NEFH: variants seen among roughly 807,000 people sequenced by gnomAD.
NEFH encodes neurofilament heavy polypeptide.
NEFH carries 58 observed loss-of-function variants against 56.6 expected under a neutral mutation model. That is an observed-to-expected ratio of 1.03 (90% CI 0.83 to 1.28). The LOEUF (loss-of-function observed/expected upper bound fraction) is 1.28. Among genes scored for constraint, NEFH ranks in the 50% most tolerant of loss-of-function variants. NEFH has a pLI of 0.00. For missense variants in NEFH, 1,221 were observed against 1,307.6 expected, an observed-to-expected ratio of 0.93 and a Z score of 1.02; for synonymous variants, 542 against 545.8, an observed-to-expected ratio of 0.99 and a Z score of 0.10.
intron 1 of NEFH, among the ~76,000 whole-genome samples, chr22:29,483,047 G>A (rs942354319): frequency 3.9e-5 from 6 of 152,144 alleles, no homozygotes; most frequent in Admixed American, 1.3e-4. Context: ...TTGGGAGGCC[G>A]AGGTGGGCGA....
rs758082890 is a variant in NEFH, at chr22:29,490,536, G to A, written c.2896G>A (p.Glu966Lys). 6.2e-7 allele frequency: 1 copy of A among 1,605,880 alleles called. No individual in the cohort carries two copies. Among genetic ancestry groups the A allele is most frequent in the Admixed American group, 1.7e-5 (1 of 57,980 alleles). The change falls in exon 4 of 4, where the codon GAG (glutamate) becomes AAG (lysine). Residue 966 changes from glutamate (E) to lysine (K), a missense_variant. This residue lies in a region of NEFH where 301 missense variants were observed against 346.6 expected (regional missense o/e 0.87). Transcript: ENST00000310624. ...DTKEEKAKKP[E>K]EKPKTEAKAK... ...CAAGGAGGAGAAGGCCAAGAAGCCT[G>A]AGGAGAAACCCAAGACAGAGGCCAA... is the stretch of plus-strand genomic sequence containing the variant.
intron 1 of NEFH, among the ~76,000 whole-genome samples, 190 bp from the exon 2 acceptor site, chr22:29,483,185 A>G (rs2063021730): frequency 6.6e-6 from 1 of 151,922 alleles, no homozygotes; most frequent in Non-Finnish European, 1.5e-5. Flanking sequence ...AGGCTGAGGC[A>G]GGAGAATCGC....
chr22:29,490,680 G>T lies in NEFH; in HGVS notation c.3040G>T (p.Asp1014Tyr), dbSNP rs773580204. 7.4e-6 allele frequency: 12 copies of T among 1,614,030 alleles called. No individual in the cohort carries two copies. The highest frequency in any genetic ancestry group is 1.0e-5 in the Non-Finnish European group (12 of 1,180,044). Reference sequence around the variant, plus strand: ...CAAGCCTCCAGAGAAGGCCACAGAAGACAAGGCCGCCAAGGGGAAGTAAGG... The same window carrying T: ...CAAGCCTCCAGAGAAGGCCACAGAATACAAGGCCGCCAAGGGGAAGTAAGG... ...DSKPPEKATE[D>Y]KAAKGK The change falls in exon 4 of 4, where the codon GAC becomes TAC. Residue 1014 changes from aspartate to tyrosine, a missense_variant. By Grantham distance (160) the Asp-to-Tyr change is radical. Coordinates refer to ENST00000310624, the MANE Select transcript of NEFH (RefSeq NM_021076.4).
rs1061372 is a variant in NEFH, at chr22:29,489,428, T to G, written c.1788T>G (p.Ala596=). The G allele has an allele frequency of 6.3e-7, 1 of 1,596,838 alleles. No homozygotes were observed. Among genetic ancestry groups the G allele is most frequent in the Non-Finnish European group, 8.5e-7 (1 of 1,175,058 alleles). The change falls in exon 4 of 4, where the codon GCT becomes GCG. Residue 596 remains alanine (A), a synonymous_variant. Transcript: ENST00000310624. ...SPAKEEAKSP[A]EAKSPEKAKS... is the part of the protein sequence containing the mutation. ...CAAAGGAAGAGGCAAAGTCACCGGC[T>G]GAGGCCAAGTCTCCAGAGAAGGCCA... is the stretch of plus-strand genomic sequence containing the variant.
chr22:29,488,240 T>C (rs1156687373), intron 3 of NEFH, among the ~76,000 whole-genome samples: 1 of 152,118 alleles, frequency 6.6e-6, no homozygotes, highest in African/African-American at 2.4e-5. Context: ...GGCGTGCGCC[T>C]GTACTCCCAG....
At chr22:29,483,292 G>T in intron 1 of NEFH, 83 bp from the exon 2 acceptor site, 38 of 1,113,154 alleles carry the variant, frequency 3.4e-5, no homozygotes, top group Non-Finnish European at 4.4e-5. Context: ...AAAAAAAAAA[G>T]AAAAAGAACA....
rs774792100 is a variant in NEFH, at chr22:29,480,718, G to C, written c.456G>C (p.Glu152Asp). The C allele has an allele frequency of 6.0e-5, 90 of 1,510,516 alleles. No homozygotes were observed. In the East Asian group the frequency reaches 1.8e-3, roughly 31 times the overall value. 93.6% of individuals were successfully genotyped at this position (1,510,516 alleles called of 1,614,324 possible). The stretch of plus-strand genomic sequence containing the variant: ...AGCTGTACGAGCGCGAGGTCCGCGA[G>C]ATGCGCGGCGCGGTGCTGCGCCTGG... ...MGELYEREVR[E>D]MRGAVLRLGA... Residue 152 changes from glutamate (E) to aspartate (D), a missense_variant, in exon 1 of 4, where the codon GAG (glutamate) becomes GAC (aspartate). Coordinates refer to ENST00000310624, the MANE Select transcript of NEFH (RefSeq NM_021076.4).
intron 1 of NEFH, 150 bp downstream of exon 1, chr22:29,481,295 T>C: frequency 1.3e-6 from 1 of 778,796 alleles, no homozygotes; most frequent in Non-Finnish European, 2.0e-6. Context: ...CCTAGTTAAA[T>C]CGCAGTTTTA....
chr22:29,483,813 T>A (rs2063027605), intron 2 of NEFH, among the ~76,000 whole-genome samples: 1 of 146,192 alleles, frequency 6.8e-6, no homozygotes, highest in African/African-American at 2.6e-5. Context: ...GCTGGAAAGA[T>A]TAAAGAGATA....
At chr22:29,482,257 T>C (rs1359279887) in intron 1 of NEFH, among the ~76,000 whole-genome samples, 1 of 152,116 alleles carries the variant, frequency 6.6e-6, no homozygotes, top group East Asian at 1.9e-4. Context: ...CAAACCTCTT[T>C]TGGGTTTGCC....
Position 29,490,499 on chromosome 22 carries a change from G to GA in NEFH, c.2865dup (p.Asp956ArgfsTer11), listed in dbSNP as rs1385089065. The GA allele has an allele frequency of 1.9e-6, 3 of 1,588,760 alleles. No individual in the cohort carries two copies. Among genetic ancestry groups the GA allele is most frequent in the East Asian group, 2.2e-5 (1 of 44,760 alleles). On this transcript the variant is annotated frameshift_variant, in exon 4 of 4. Transcript: ENST00000310624. LOFTEE classifies it high-confidence loss of function. The stretch of plus-strand genomic sequence containing the variant: ...CAGAGAAGAAGGAGGCAGCACCGGA[G>GA]AAAAAAGACACCAAGGAGGAGAAGG...
rs966283308 is a variant in NEFH, at chr22:29,480,870, C to T, written c.608C>T (p.Ala203Val). Reference protein sequence around the residue: ...EEAEAAARALARFAQEAEAAR... With the variant: ...EEAEAAARALVRFAQEAEAAR... ...GCCGAGGCGGCGGCCCGCGCGCTGG[C>T]GCGCTTCGCGCAGGAGGCCGAGGCG... The change falls in exon 1 of 4, where the codon GCG becomes GTG. Residue 203 changes from alanine to valine, a missense_variant. By Grantham distance (64) the Ala-to-Val change is moderately conservative. This residue lies in a region of NEFH where 640 missense variants were observed against 555.5 expected (regional missense o/e 1.15). Transcript: ENST00000310624. 1.4e-6 allele frequency: 2 copies of T among 1,407,404 alleles called. No individual in the cohort carries two copies. The highest frequency in any genetic ancestry group is 3.5e-5 in the Admixed American group (1 of 28,172). The allele number at this position is 1,407,404 out of a possible 1,614,324, so 87.2% of individuals were successfully genotyped here.
Position 29,485,766 on chromosome 22 carries a change from G to A in NEFH, c.1127G>A (p.Trp376Ter), listed in dbSNP as rs2063040704. ...QLDAELRNTK[W>*]EMAAQLREYQ... is the part of the protein sequence containing the mutation. ...GACGCTGAGCTGAGGAACACCAAGTGGGAGATGGCCGCCCAGCTGCGAGAA... is the reference window on the plus strand; with the variant it reads ...GACGCTGAGCTGAGGAACACCAAGTAGGAGATGGCCGCCCAGCTGCGAGAA... Residue 376 changes from tryptophan (W) to a stop codon, truncating the protein, a stop_gained, in exon 3 of 4, where the codon TGG (tryptophan) becomes TAG (stop). Coordinates refer to ENST00000310624, the MANE Select transcript of NEFH (RefSeq NM_021076.4). LOFTEE classifies it high-confidence loss of function. 1 of 1,614,218 alleles carries A rather than the reference G, an allele frequency of 6.2e-7. No homozygotes were observed. The highest frequency in any genetic ancestry group is 8.5e-7 in the Non-Finnish European group (1 of 1,180,036).
chr22:29,481,203 T>C, intron 1 of NEFH, 58 bp downstream of exon 1: 1 of 1,503,372 alleles, frequency 6.7e-7, no homozygotes, highest in Middle Eastern at 2.3e-4. Flanking sequence ...AGCGAACTTT[T>C]GGGCTGCGTG....
Position 29,483,827 on chromosome 22 carries a change from T to TTTTA in NEFH, c.1083+289_1083+292dup, listed in dbSNP as rs140814097. Among the ~76,000 whole-genome samples, 30,590 of 136,260 alleles carry TTTTA rather than the reference T, an allele frequency of 0.22. 3,719 individuals carry two copies. The highest frequency in any genetic ancestry group is 0.41 in the Middle Eastern group (112 of 276). The allele number at this position is 136,260 out of a possible 152,430, so 89.4% of individuals were successfully genotyped here. On this transcript the variant is annotated intron_variant, in intron 2 of 3. Coordinates refer to ENST00000310624, the MANE Select transcript of NEFH (RefSeq NM_021076.4). ...AGCTGGAAAGATTAAAGAGATAGACTTTTATTTATTTATTTATTTATTTAT... is the reference window on the plus strand; with the variant it reads ...AGCTGGAAAGATTAAAGAGATAGACTTTTATTTATTTATTTATTTATTTATTTAT...
At chr22:29,482,245 C>A (rs984050388) in intron 1 of NEFH, among the ~76,000 whole-genome samples, 1 of 152,202 alleles carries the variant, frequency 6.6e-6, no homozygotes, top group Non-Finnish European at 1.5e-5. Flanking sequence ...CCCCTCCCTG[C>A]GCAAACCTCT....
chr22:29,490,663 C>T lies in NEFH; in HGVS notation c.3023C>T (p.Pro1008Leu), dbSNP rs1388983921. 6.2e-7 allele frequency: 1 copy of T among 1,614,072 alleles called. No individual in the cohort carries two copies. Among genetic ancestry groups the T allele is most frequent in the Admixed American group, 1.7e-5 (1 of 59,988 alleles). ...SSTDQKDSKP[P>L]EKATEDKAAK... ...ACAGACCAAAAAGACAGCAAGCCTC[C>T]AGAGAAGGCCACAGAAGACAAGGCC... Residue 1008 changes from proline (P) to leucine (L), a missense_variant, in exon 4 of 4, where the codon CCA becomes CTA. Around this residue, in one of 4 missense-constraint regions of NEFH, gnomAD observed 301 missense variants for 346.6 expected, o/e 0.87. Coordinates refer to ENST00000310624, the MANE Select transcript of NEFH (RefSeq NM_021076.4).
chr22:29,489,473 A>T lies in NEFH; in HGVS notation c.1833A>T (p.Glu611Asp), dbSNP rs1196681707. Residue 611 changes from glutamate to aspartate, a missense_variant, in exon 4 of 4, where the codon GAA (glutamate) becomes GAT (aspartate). Coordinates refer to ENST00000310624, the MANE Select transcript of NEFH (RefSeq NM_021076.4). ...AGGCCAAGTCCCCAGTGAAGGAAGA[A>T]GCAAAGTCACCGGCTGAGGCCAAGT... is the stretch of plus-strand genomic sequence containing the variant. The part of the protein sequence containing the change: ...PEKAKSPVKE[E>D]AKSPAEAKSP... 6 of 1,572,876 alleles carry T rather than the reference A, an allele frequency of 3.8e-6. No individual in the cohort carries two copies. The highest frequency in any genetic ancestry group is 5.2e-6 in the Non-Finnish European group (6 of 1,155,680).
chr22:29,483,142 A>G (rs1272679196), intron 1 of NEFH, among the ~76,000 whole-genome samples: 2 of 152,020 alleles, frequency 1.3e-5, no homozygotes, highest in Non-Finnish European at 2.9e-5. Context: ...AGCTGGGCGT[A>G]GTGGCAGGTG....
Sources: allele counts gnomAD v4.1 joint callset (sites outside exome capture counted in the v4.1 genomes callset), GRCh38; gene constraint gnomAD v4.1.1; regional missense constraint gnomAD v4.1.1; transcripts MANE v1.5; gene names NCBI Gene and HGNC (gene_info 2026-07-23, HGNC 2026-07-21).